Variants in RBFOX2 observed in about 807,000 individuals in gnomAD.
The protein encoded by RBFOX2 is RNA binding fox-1 homolog 2.
Under a neutral mutation model 49.1 loss-of-function variants are expected in RBFOX2, and 10 were observed. That is an observed-to-expected ratio of 0.20 (90% CI 0.13 to 0.35). The LOEUF (loss-of-function observed/expected upper bound fraction) is 0.35, where lower values mean the gene tolerates loss of function less well. RBFOX2 is among the 10% of genes least tolerant of loss of function. The pLI is 1.00. For synonymous variants in RBFOX2, 183 were observed against 187.4 expected (o/e 0.98, Z 0.19); for missense variants, 323 against 486.9 (o/e 0.66, Z 3.17).
chr22:35,764,581 T>A, intron 6 of RBFOX2, among the ~76,000 whole-genome samples: 1 of 129,990 alleles, frequency 7.7e-6, no homozygotes. Flanking sequence ...CGAGACTCCG[T>A]CTCAAAAAAA....
chr22:35,840,068 T>C (rs542547746), intron 1 of RBFOX2: 1 of 1,316,362 alleles, frequency 7.6e-7, no homozygotes, highest in East Asian at 2.3e-5. Context: ...CTGATAACAA[T>C]AAATCTGGTC....
intron 1 of RBFOX2, among the ~76,000 whole-genome samples, chr22:36,013,374 TAATAG>T (rs1308124611): frequency 1.3e-5 from 2 of 152,202 alleles, no homozygotes; most frequent in African/African-American, 4.8e-5. Flanking sequence ...GGCTATTACA[TAATAG>T]AATACCTACT....
chr22:35,969,472 G>T (rs897966744), intron 1 of RBFOX2, among the ~76,000 whole-genome samples: 4 of 152,108 alleles, frequency 2.6e-5, no homozygotes, highest in Non-Finnish European at 5.9e-5. Flanking sequence ...TACTTGGGAG[G>T]CTGAGGCACA....
At chr22:35,852,071 C>T (rs1045666046) in intron 1 of RBFOX2, among the ~76,000 whole-genome samples, 1 of 149,718 alleles carries the variant, frequency 6.7e-6, no homozygotes, top group Non-Finnish European at 1.5e-5. Context: ...ATAAAAAAAA[C>T]CCAATACTGT....
intron 1 of RBFOX2, among the ~76,000 whole-genome samples, chr22:35,991,228 G>A (rs1044482984): frequency 2.6e-5 from 4 of 152,184 alleles, no homozygotes; most frequent in African/African-American, 9.7e-5. Flanking sequence ...TTAAGAGGCT[G>A]AAGATGAAGG....
At chr22:35,881,525 T>C (rs1180683234) in intron 1 of RBFOX2, among the ~76,000 whole-genome samples, 2 of 149,698 alleles carry the variant, frequency 1.3e-5, no homozygotes, top group Non-Finnish European at 3.0e-5. Flanking sequence ...GAGACTGCAC[T>C]GAGCTGTGAT....
intron 1 of RBFOX2, among the ~76,000 whole-genome samples, chr22:35,895,685 C>T (rs1035322119): frequency 1.3e-4 from 20 of 152,156 alleles, no homozygotes; most frequent in African/African-American, 4.3e-4. Context: ...ACTCACCACG[C>T]AGACGGGCTA....
At chr22:35,888,783 A>T (rs1020409554) in intron 1 of RBFOX2, among the ~76,000 whole-genome samples, 3 of 152,314 alleles carry the variant, frequency 2.0e-5, no homozygotes, top group South Asian at 2.1e-4. Flanking sequence ...GTCTTGCCAC[A>T]ATCTCTTATC....
chr22:35,972,867 G>T (rs1569515916), intron 1 of RBFOX2, among the ~76,000 whole-genome samples: 1 of 152,138 alleles, frequency 6.6e-6, no homozygotes, highest in Non-Finnish European at 1.5e-5. Flanking sequence ...TCTAAGGAAA[G>T]TACAAGCCTA....
At chr22:36,024,715 T>C (rs987148810) in intron 1 of RBFOX2, among the ~76,000 whole-genome samples, 2 of 151,334 alleles carry the variant, frequency 1.3e-5, no homozygotes, top group African/African-American at 4.9e-5. Flanking sequence ...CACTCCAGCC[T>C]GGGCAACAGT....
chr22:35,977,886 C>G (rs902293625), intron 1 of RBFOX2, among the ~76,000 whole-genome samples: 1 of 150,566 alleles, frequency 6.6e-6, no homozygotes, highest in Non-Finnish European at 1.5e-5. Context: ...GGTAGGTGAG[C>G]AGCTGAGGAA....
At chr22:35,856,012 G>C (rs1344563792) in intron 1 of RBFOX2, among the ~76,000 whole-genome samples, 1 of 134,912 alleles carries the variant, frequency 7.4e-6, no homozygotes, top group Admixed American at 7.3e-5. Flanking sequence ...GTCTCAGGAA[G>C]AAAAAAAAAA....
chr22:35,918,383 C>T (rs542943529), intron 1 of RBFOX2, among the ~76,000 whole-genome samples: 2 of 152,264 alleles, frequency 1.3e-5, no homozygotes, highest in African/African-American at 2.4e-5. Flanking sequence ...CAGAAGGGCA[C>T]ATTGTTTGCT....
At position 35,810,224 on chromosome 22, in the gene RBFOX2, C is replaced by T. The variant is rs186978282; in HGVS notation, c.28-220G>A. Among the ~76,000 whole-genome samples the T allele has an allele frequency of 6.1e-3, 824 of 135,040 alleles. 11 individuals carry two copies. The highest frequency in any genetic ancestry group is 0.021 in the African/African-American group (765 of 36,132). 88.6% of individuals were successfully genotyped at this position (135,040 alleles called of 152,430 possible). A position where few individuals can be genotyped will look rare whatever the true frequency, so the allele number is the denominator to read the frequency against. On this transcript the variant is annotated intron_variant, in intron 1 of 11. Coordinates refer to ENST00000405409, the Ensembl canonical transcript of RBFOX2. ...ACACACACACACACACACACACACA[C>T]TCACTTTTGTTAATGTGTAGTTACT...
At position 35,906,345 on chromosome 22, in the gene RBFOX2, A is replaced by G. The variant is rs774596136; in HGVS notation, c.-34+32502T>C. Among the ~76,000 whole-genome samples, 158 of 152,320 alleles carry G rather than the reference A, an allele frequency of 1.0e-3. 2 individuals are homozygous for G. Among genetic ancestry groups the G allele is most frequent in the Non-Finnish European group, 1.4e-3 (95 of 68,020 alleles). On this transcript the variant is annotated intron_variant, in intron 1 of 13. Transcript: ENST00000359369. ...TACTTTTAAAATATTAACTTATGTA[A>G]ATGTTATTTATTCAAAATACAATAA...
upstream of RBFOX2, among the ~76,000 whole-genome samples, chr22:35,844,697 T>C (rs1227107114): frequency 1.3e-5 from 2 of 149,348 alleles, no homozygotes; most frequent in Non-Finnish European, 3.0e-5. Context: ...AGTAGAGATA[T>C]GTTTCACCAT....
chr22:35,803,572 G>A (rs1950154342), intron 2 of RBFOX2, among the ~76,000 whole-genome samples: 1 of 152,140 alleles, frequency 6.6e-6, no homozygotes, highest in East Asian at 1.9e-4. Flanking sequence ...AGCTACTCAG[G>A]AGGCTGAGGC....
intron 1 of RBFOX2, among the ~76,000 whole-genome samples, chr22:35,960,477 T>C (rs1215602753): frequency 1.3e-5 from 2 of 152,144 alleles, no homozygotes; most frequent in Non-Finnish European, 2.9e-5. Context: ...TCACTGATTT[T>C]AACAGACACA....
intron 1 of RBFOX2, among the ~76,000 whole-genome samples, chr22:35,908,318 A>C (rs1047851377): frequency 6.6e-6 from 1 of 152,234 alleles, no homozygotes; most frequent in Non-Finnish European, 1.5e-5. Flanking sequence ...ACTCATCATA[A>C]GTTGAAAATA....
Sources: gnomAD v4.1 joint callset for allele counts (sites outside exome capture counted in the v4.1 genomes callset) on GRCh38, gnomAD v4.1.1 for gene constraint, MANE v1.5 for transcripts, NCBI Gene and HGNC (gene_info 2026-07-23, HGNC 2026-07-21) for gene names.